The following COX7B2 variants were observed in gnomAD, a reference collection of about 807,000 sequenced individuals.
COX7B2 encodes the protein cytochrome c oxidase subunit 7B2, also known as cytochrome c oxidase subunit 7B2, mitochondrial.
For missense variants in COX7B2, 109 were observed against 95.9 expected (o/e 1.14, Z -0.57); for synonymous variants, 37 against 32.1 (o/e 1.15, Z -0.51).
intron 2 of COX7B2, among the ~76,000 whole-genome samples, chr4:46,840,234 T>C (rs1482618618): frequency 1.3e-5 from 2 of 152,118 alleles, no homozygotes; most frequent in South Asian, 2.1e-4. Flanking sequence ...CAAAAATCTG[T>C]ATCAATAAGG....
At position 46,875,274 on chromosome 4, in the gene COX7B2, A is replaced by G. The variant is rs1280723365; in HGVS notation, c.-104-30260T>C. On this transcript the variant is annotated intron_variant, in intron 1 of 2. Coordinates refer to ENST00000355591, the MANE Select transcript of COX7B2 (RefSeq NM_130902.3). ...CATTTTAAACTCAATGGCAGGTAAA[A>G]CATTGGATTTTAACATGTTTCTTTC... Among the ~76,000 whole-genome samples, 4 of 152,206 alleles carry G rather than the reference A, an allele frequency of 2.6e-5. No homozygotes were observed. The East Asian group carries it at 7.7e-4, about 29-fold the overall frequency.
intron 1 of COX7B2, among the ~76,000 whole-genome samples, chr4:46,873,447 A>G (rs1718129636): frequency 6.6e-6 from 1 of 152,140 alleles, no homozygotes; most frequent in Non-Finnish European, 1.5e-5. Flanking sequence ...CCAACACTGT[A>G]AAAGCTATTT....
At position 46,894,336 on chromosome 4, in the gene COX7B2, C is replaced by T. The variant is rs199776918; in HGVS notation, c.-105+14824G>A. 7.2e-5 allele frequency among the ~76,000 whole-genome samples: 11 copies of T among 152,124 alleles called. No homozygotes were observed. The East Asian group carries it at 2.1e-3, about 29-fold the overall frequency. The stretch of plus-strand genomic sequence containing the variant: ...AATAGACAGCCCAGAAATAAGGCTG[C>T]CCACCTACAATCATTTGATCTTTAA... On this transcript the variant is annotated intron_variant, in intron 1 of 2. Coordinates refer to ENST00000355591, the MANE Select transcript of COX7B2 (RefSeq NM_130902.3).
intron 2 of COX7B2, among the ~76,000 whole-genome samples, chr4:46,798,498 T>C (rs749736435): frequency 1.1e-4 from 17 of 152,194 alleles, no homozygotes; most frequent in Non-Finnish European, 2.1e-4. Context: ...CACTCAGAGA[T>C]AGAAATGCCA....
At chr4:46,885,494 A>C (rs535935578) in intron 1 of COX7B2, among the ~76,000 whole-genome samples, 69 of 152,254 alleles carry the variant, frequency 4.5e-4, no homozygotes, top group African/African-American at 1.6e-3. Flanking sequence ...GCAGCACCTT[A>C]CTGATTTTGT....
chr4:46,756,802 T>C (rs1715829724), intron 2 of COX7B2, among the ~76,000 whole-genome samples: 1 of 152,048 alleles, frequency 6.6e-6, no homozygotes, highest in African/African-American at 2.4e-5. Flanking sequence ...TTTGCAAGAA[T>C]GTGGAGAAAG....
At chr4:46,894,855 A>C (rs922736858) in intron 1 of COX7B2, among the ~76,000 whole-genome samples, 1 of 152,350 alleles carries the variant, frequency 6.6e-6, no homozygotes, top group African/African-American at 2.4e-5. Context: ...GAAGACATAC[A>C]TGCATCCAAG....
intron 2 of COX7B2, among the ~76,000 whole-genome samples, chr4:46,834,793 G>A (rs542749892): frequency 1.3e-5 from 2 of 152,046 alleles, no homozygotes; most frequent in African/African-American, 4.8e-5. Context: ...AGAAGCTATT[G>A]TTTATCATAA....
chr4:46,755,852 G>A (rs1160361418), intron 2 of COX7B2, among the ~76,000 whole-genome samples: 1 of 151,956 alleles, frequency 6.6e-6, no homozygotes, highest in African/African-American at 2.4e-5. Flanking sequence ...CTCATGGACT[G>A]GAAGAATCAA....
intron 2 of COX7B2, among the ~76,000 whole-genome samples, chr4:46,785,190 A>G (rs989487153): frequency 3.3e-5 from 5 of 152,206 alleles, no homozygotes; most frequent in African/African-American, 9.6e-5. Context: ...GTACTGACAA[A>G]TCAGTAGAAC....
At chr4:46,782,772 A>C (rs1227086537) in intron 2 of COX7B2, among the ~76,000 whole-genome samples, 1 of 152,150 alleles carries the variant, frequency 6.6e-6, no homozygotes, top group Non-Finnish European at 1.5e-5. Context: ...TGCCTTTAAG[A>C]GCTGTAAGGC....
intron 2 of COX7B2, among the ~76,000 whole-genome samples, chr4:46,831,206 G>C (rs922516059): frequency 1.3e-5 from 2 of 152,100 alleles, no homozygotes; most frequent in Non-Finnish European, 2.9e-5. Context: ...AGGGTGGGCC[G>C]GGTCCCCCAG....
chr4:46,835,995 T>C (rs530159174), intron 2 of COX7B2, among the ~76,000 whole-genome samples: 49 of 152,238 alleles, frequency 3.2e-4, no homozygotes, highest in Non-Finnish European at 6.0e-4. Flanking sequence ...AGTAAAAATA[T>C]GGTATAAAAG....
At chr4:46,907,716 T>TA (rs372895992) in intron 1 of COX7B2, among the ~76,000 whole-genome samples, 16,357 of 143,256 alleles carry the variant, frequency 0.11, 1,009 homozygotes, top group South Asian at 0.25. Flanking sequence ...CACTGTGAGA[T>TA]AAAAAAAAAA....
intron 2 of COX7B2, among the ~76,000 whole-genome samples, chr4:46,815,888 T>C (rs1719524929): frequency 6.6e-6 from 1 of 152,194 alleles, no homozygotes; most frequent in South Asian, 2.1e-4. Flanking sequence ...CTGGTAATAA[T>C]ATTTATATTT....
chr4:46,870,078 C>A (rs1316722609), intron 1 of COX7B2, among the ~76,000 whole-genome samples: 2 of 152,022 alleles, frequency 1.3e-5, no homozygotes, highest in Non-Finnish European at 2.9e-5. Flanking sequence ...CCTTTTTATT[C>A]TTATTTATTT....
intron 2 of COX7B2, among the ~76,000 whole-genome samples, chr4:46,821,966 C>T (rs1714330234): frequency 6.6e-6 from 1 of 152,126 alleles, no homozygotes; most frequent in South Asian, 2.1e-4. Flanking sequence ...GGCTAGAGTG[C>T]AGTGGCGCAA....
At chr4:46,908,826 G>C (rs891145853) in intron 1 of COX7B2, among the ~76,000 whole-genome samples, 1 of 151,778 alleles carries the variant, frequency 6.6e-6, no homozygotes, top group Non-Finnish European at 1.5e-5. Context: ...TGGATCACGA[G>C]GTCAGGAGAT....
At chr4:46,853,531 A>G (rs1215962288) in intron 1 of COX7B2, among the ~76,000 whole-genome samples, 2 of 152,102 alleles carry the variant, frequency 1.3e-5, no homozygotes, top group African/African-American at 2.4e-5. Flanking sequence ...GCAGTTATGT[A>G]CATTTTTTTT....
Sources: gnomAD v4.1 joint callset for allele counts (sites outside exome capture counted in the v4.1 genomes callset) on GRCh38, gnomAD v4.1.1 for gene constraint, MANE v1.5 for transcripts, NCBI Gene and HGNC (gene_info 2026-07-23, HGNC 2026-07-21) for gene names.